The following ARHGAP20 variants were observed in gnomAD, a reference collection of about 807,000 sequenced individuals.
ARHGAP20 encodes Rho GTPase activating protein 20, also known as rho GTPase-activating protein 20.
ARHGAP20 carries 34 observed loss-of-function variants against 73.7 expected under a neutral mutation model. The ratio of observed to expected loss-of-function variants is 0.46; its 90% confidence interval spans 0.35 to 0.61. The LOEUF is 0.61. Among genes scored for constraint, ARHGAP20 ranks in the 20% least tolerant of loss-of-function variants. The pLI, the probability that ARHGAP20 is intolerant of heterozygous loss-of-function variation, is 0.00. For synonymous variants in ARHGAP20, 523 were observed against 518.2 expected (o/e 1.01, Z -0.13); for missense variants, 1,314 against 1,420.9 (o/e 0.92, Z 1.21).
chr11:110,711,578 G>C, intron 1 of ARHGAP20: 2 of 1,466,018 alleles, frequency 1.4e-6, no homozygotes, highest in Non-Finnish European at 1.8e-6. Flanking sequence ...TCTGCCCCCC[G>C]AAAACTGCTA....
At chr11:110,661,097 G>A (rs1949600782) in intron 2 of ARHGAP20, among the ~76,000 whole-genome samples, 1 of 152,134 alleles carries the variant, frequency 6.6e-6, no homozygotes, top group South Asian at 2.1e-4. Context: ...CATCTGTTCA[G>A]TGTTTGCTGG....
At chr11:110,707,382 C>T (rs1000998086) in intron 1 of ARHGAP20, among the ~76,000 whole-genome samples, 2 of 152,074 alleles carry the variant, frequency 1.3e-5, no homozygotes, top group African/African-American at 4.8e-5. Context: ...AAAGTATTAT[C>T]TATGCTTTAT....
rs1422951124 is a variant in ARHGAP20, at chr11:110,579,705, G to A, written c.3241C>T (p.Pro1081Ser). 1 of 1,614,158 alleles carries A rather than the reference G, an allele frequency of 6.2e-7. No homozygotes were observed. Among genetic ancestry groups the A allele is most frequent in the Non-Finnish European group, 8.5e-7 (1 of 1,180,024 alleles). Residue 1081 changes from proline to serine, a missense_variant, in exon 15 of 15, where the codon CCA becomes TCA. Around this residue, in one of 3 missense-constraint regions of ARHGAP20, gnomAD observed 641 missense variants for 636.9 expected, o/e 1.01. Transcript: ENST00000683387. ...TCCTCTTGCAGTGAGTTGGCTTCTG[G>A]AACACCAGAAGCATGTGGGGGTGGC... The part of the protein sequence containing the change: ...LEPPPHASGV[P>S]EANSLQEEQK...
intron 1 of ARHGAP20, among the ~76,000 whole-genome samples, chr11:110,696,746 T>C (rs1352127330): frequency 6.6e-6 from 1 of 151,560 alleles, no homozygotes; most frequent in Non-Finnish European, 1.5e-5. Flanking sequence ...TTTTGGAGTC[T>C]CCAGTGTTTA....
At chr11:110,638,743 C>T (rs542387891) in intron 2 of ARHGAP20, among the ~76,000 whole-genome samples, 9 of 151,014 alleles carry the variant, frequency 6.0e-5, no homozygotes, top group South Asian at 2.1e-4. Context: ...ATCAGACTAT[C>T]GCAAGGACAA....
intron 2 of ARHGAP20, among the ~76,000 whole-genome samples, chr11:110,674,528 A>G (rs936539213): frequency 6.6e-6 from 1 of 152,216 alleles, no homozygotes; most frequent in Admixed American, 6.5e-5. Context: ...TTTATGTGCA[A>G]AATTATTTAA....
intron 2 of ARHGAP20, among the ~76,000 whole-genome samples, chr11:110,686,654 G>T (rs1359524719): frequency 6.6e-6 from 1 of 151,886 alleles, no homozygotes; most frequent in African/African-American, 2.4e-5. Flanking sequence ...ATAGATAACA[G>T]TATTATATTC....
chr11:110,712,823 T>G (rs1237918158), upstream of ARHGAP20: 6 of 152,470 alleles, frequency 3.9e-5, no homozygotes, highest in African/African-American at 1.4e-4. Context: ...CGCGGAGCGG[T>G]GGCGACCTCA....
intron 11 of ARHGAP20, among the ~76,000 whole-genome samples, chr11:110,589,226 T>A (rs1947756511): frequency 6.6e-6 from 1 of 152,222 alleles, no homozygotes; most frequent in South Asian, 2.1e-4. Flanking sequence ...ATACATATTT[T>A]TATTGTGTTC....
chr11:110,700,844 GT>G (rs886983343), intron 1 of ARHGAP20, among the ~76,000 whole-genome samples: 6 of 150,050 alleles, frequency 4.0e-5, no homozygotes, highest in South Asian at 2.1e-4. Flanking sequence ...GCGGTGTTTG[GT>G]TTTTTGTTCT....
At chr11:110,675,165 C>A (rs981713915) in intron 2 of ARHGAP20, among the ~76,000 whole-genome samples, 3 of 152,162 alleles carry the variant, frequency 2.0e-5, no homozygotes, top group Non-Finnish European at 4.4e-5. Flanking sequence ...CCTTGTCTGT[C>A]TTCCAATCAG....
rs149519035 is a variant in ARHGAP20 at position 110,693,633 on chromosome 11, C to G, written c.106-3004G>C. ...CTCTTTCTTTTGCTTAAAAGTGTAA[C>G]CAAACAAAGGGCCACTAATAACTTC... On this transcript the variant is annotated intron_variant, in intron 1 of 14. Transcript: ENST00000683387. Among the ~76,000 whole-genome samples, 423 of 151,946 alleles carry G rather than the reference C, an allele frequency of 2.8e-3. 2 individuals carry two copies. Among genetic ancestry groups the G allele is most frequent in the African/African-American group, 9.8e-3 (408 of 41,494 alleles).
chr11:110,609,595 T>G (rs893789579), intron 7 of ARHGAP20, among the ~76,000 whole-genome samples: 1 of 152,144 alleles, frequency 6.6e-6, no homozygotes, highest in Non-Finnish European at 1.5e-5. Context: ...GGCCCAGTCA[T>G]AGAAAACAAT....
chr11:110,689,962 A>C (rs907396381), intron 2 of ARHGAP20, among the ~76,000 whole-genome samples: 20 of 97,532 alleles, frequency 2.1e-4, no homozygotes, highest in African/African-American at 7.4e-4. Context: ...CCTGCTCTGC[A>C]AAAAAAAAAA....
In ARHGAP20 at chr11:110,578,791, C is replaced by A. The variant is rs1033094372; in HGVS notation, c.*579G>T. 1.4e-5 allele frequency: 14 copies of A among 985,542 alleles called. No homozygotes were observed. The African/African-American group carries it at 2.4e-4, about 17-fold the overall frequency. 61.0% of individuals were successfully genotyped at this position (985,542 alleles called of 1,614,324 possible). A position where few individuals can be genotyped will look rare whatever the true frequency, so the allele number is the denominator to read the frequency against. ...TCTCCACTCTAGCTGTAGCAATGGG[C>A]TGGTTCTTGGAATGATTCTGTAAGG... is the stretch of plus-strand genomic sequence containing the variant. On this transcript the variant is annotated 3_prime_UTR_variant, in exon 15 of 15. Transcript: ENST00000683387.
rs1363710823 is a variant in ARHGAP20, at chr11:110,712,313, C to T, written c.-82G>A. ...GGGCTGCCGGCCGGAGGGGCGAGGA[C>T]GCGCGGGCGGAGGCGCGGCTGCCGT... is the stretch of plus-strand genomic sequence containing the variant. On this transcript the variant is annotated 5_prime_UTR_variant, in exon 1 of 15. Coordinates refer to ENST00000683387, the MANE Select transcript of ARHGAP20 (RefSeq NM_001384657.1). The T allele has an allele frequency of 8.6e-6, 10 of 1,167,994 alleles. No homozygotes were observed. The highest frequency in any genetic ancestry group is 1.1e-5 in the Non-Finnish European group (10 of 915,100). 72.4% of individuals were successfully genotyped at this position (1,167,994 alleles called of 1,614,324 possible).
At chr11:110,603,660 T>C (rs1948159208) in intron 9 of ARHGAP20, among the ~76,000 whole-genome samples, 1 of 152,176 alleles carries the variant, frequency 6.6e-6, no homozygotes, top group Non-Finnish European at 1.5e-5. Context: ...TCAAAATCCA[T>C]TTCACTATGC....
At chr11:110,581,250 T>C (rs2134779425) in intron 14 of ARHGAP20, 25 bp from the exon 15 acceptor site, 1 of 1,583,018 alleles carries the variant, frequency 6.3e-7, no homozygotes, top group Non-Finnish European at 8.6e-7. Context: ...AAACCATGAT[T>C]AACATATTTA....
intron 2 of ARHGAP20, among the ~76,000 whole-genome samples, chr11:110,681,589 C>A (rs527998541): frequency 6.6e-6 from 1 of 152,152 alleles, no homozygotes; most frequent in Admixed American, 6.5e-5. Flanking sequence ...TTCCTTCATT[C>A]GAAAGTATGA....
Sources: allele counts gnomAD v4.1 joint callset (sites outside exome capture counted in the v4.1 genomes callset), GRCh38; gene constraint gnomAD v4.1.1; regional missense constraint gnomAD v4.1.1; transcripts MANE v1.5; gene names NCBI Gene and HGNC (gene_info 2026-07-23, HGNC 2026-07-21).